NPC1: variants seen among roughly 807,000 people sequenced by gnomAD.
NPC1 encodes Niemann-Pick C1 protein.
A neutral mutation model predicts 140.4 loss-of-function variants in NPC1; 85 were observed. The observed-to-expected ratio is 0.61, with a 90% confidence interval of 0.51 to 0.72. The LOEUF (loss-of-function observed/expected upper bound fraction) is 0.72, where lower values mean the gene tolerates loss of function less well. NPC1 is among the 30% of genes least tolerant of loss of function. The pLI is 0.00. For synonymous variants in NPC1, 656 were observed against 624.8 expected (o/e 1.05, Z -0.74); for missense variants, 1,504 against 1,623.8 (o/e 0.93, Z 1.27).
At chr18:23,517,548 T>C (rs1463582975), downstream of NPC1, among the ~76,000 whole-genome samples, 1 of 152,220 alleles carries the variant, frequency 6.6e-6, no homozygotes, top group Non-Finnish European at 1.5e-5. Flanking sequence ...AAAGAACCCC[T>C]GTATGCCTGT....
intron 4 of NPC1, among the ~76,000 whole-genome samples, chr18:23,563,536 TTCAGCCTC>T (rs1359442867): frequency 6.6e-6 from 1 of 152,130 alleles, no homozygotes; most frequent in Non-Finnish European, 1.5e-5. Context: ...ATCCTCCCAC[TTCAGCCTC>T]TCAAGTAGCT....
Position 23,554,898 on chromosome 18 carries a change from A to C in NPC1, c.1413T>G (p.Pro471=). The part of the protein sequence containing the change: ...TVTLQDICLA[P]LSPYNTNCTI... ...TGCAGTTCGTGTTATACGGTGAAAG[A>C]GGGGCCAAGCAGATGTCTTGAAGTG... The change falls in exon 9 of 25, where the codon CCT becomes CCG. Residue 471 remains proline, a synonymous_variant. Coordinates refer to ENST00000269228, the MANE Select transcript of NPC1 (RefSeq NM_000271.5). 2 of 1,614,158 alleles carry C rather than the reference A, an allele frequency of 1.2e-6. No individual in the cohort carries two copies. The highest frequency in any genetic ancestry group is 2.2e-5 in the South Asian group (2 of 91,080).
At chr18:23,544,568 T>A (rs559718680) in intron 12 of NPC1, 42 bp from the exon 13 acceptor site, 29 of 1,583,860 alleles carry the variant, frequency 1.8e-5, no homozygotes, top group African/African-American at 4.0e-5. Context: ...AGTTACAGGG[T>A]TGTCTGTCCC....
At chr18:23,546,378 G>A (rs1054060404) in intron 11 of NPC1, among the ~76,000 whole-genome samples, 34 of 151,668 alleles carry the variant, frequency 2.2e-4, no homozygotes, top group African/African-American at 6.0e-4. Context: ...AAGTGCTGAC[G>A]AGGATGCGAA....
intron 22 of NPC1, 107 bp downstream of exon 22, chr18:23,535,362 G>C: frequency 1.2e-6 from 1 of 845,742 alleles, no homozygotes; most frequent in Middle Eastern, 2.1e-4. Context: ...GCAAGCGCCA[G>C]ACTTGGTATC....
intron 3 of NPC1, chr18:23,508,154 C>A: frequency 2.1e-6 from 2 of 932,164 alleles, no homozygotes; most frequent in Non-Finnish European, 3.1e-6. Flanking sequence ...GTCAGACTGT[C>A]CCTCATGTTG....
At position 23,535,690 on chromosome 18, in the gene NPC1, CAT is replaced by C. The variant is rs2145351971; in HGVS notation, c.3254_3255del (p.Tyr1085CysfsTer11). The C allele has an allele frequency of 1.2e-6, 2 of 1,612,308 alleles. No homozygotes were observed. The highest frequency in any genetic ancestry group is 1.7e-6 in the Non-Finnish European group (2 of 1,178,374). ...ATGGTCAGGTACTGTTCGTAGAAGA[CAT>C]AAAACACACTGGAGGGGAGAGGGGA... ...AYRVFPYSVF[Y>X]VFYEQYLTII... On this transcript the variant is annotated frameshift_variant, in exon 22 of 25. Coordinates refer to ENST00000269228, the MANE Select transcript of NPC1 (RefSeq NM_000271.5). LOFTEE classifies it high-confidence loss of function.
At chr18:23,514,312 C>T (rs1398921362) in intron 3 of NPC1, among the ~76,000 whole-genome samples, 4 of 152,294 alleles carry the variant, frequency 2.6e-5, no homozygotes, top group Non-Finnish European at 5.9e-5. Context: ...GTCAGGAGTT[C>T]GAGACCAGCC....
chr18:23,566,970 T>TG (rs1459874569), intron 4 of NPC1, among the ~76,000 whole-genome samples: 1 of 152,210 alleles, frequency 6.6e-6, no homozygotes, highest in Non-Finnish European at 1.5e-5. Context: ...GTAATAGGAT[T>TG]TAAGGTTCAT....
rs764305135 is a variant in NPC1, at chr18:23,539,493, C to T, written c.2796-23G>A. On this transcript the variant is annotated intron_variant, in intron 18 of 24. Transcript: ENST00000269228. Reference sequence around the variant, plus strand: ...GTACTAGAGAGGACAGACAGGGTTACTGACCTGCTCCACAGGGAGGAAGTC... The same window carrying T: ...GTACTAGAGAGGACAGACAGGGTTATTGACCTGCTCCACAGGGAGGAAGTC... 16 of 1,508,950 alleles carry T rather than the reference C, an allele frequency of 1.1e-5. No homozygotes were observed. The African/African-American group carries it at 2.1e-4, about 19-fold the overall frequency. 93.5% of individuals were successfully genotyped at this position (1,508,950 alleles called of 1,614,324 possible).
intron 7 of NPC1, 47 bp from the exon 8 acceptor site, chr18:23,556,660 C>T (rs368982805): frequency 4.4e-6 from 7 of 1,609,168 alleles, no homozygotes; most frequent in African/African-American, 1.3e-5. Context: ...AGAGCCAAGC[C>T]GTTCCTGAAA....
At chr18:23,556,661 G>A (rs373455910) in intron 7 of NPC1, 48 bp from the exon 8 acceptor site, 38 of 1,607,512 alleles carry the variant, frequency 2.4e-5, no homozygotes, top group Non-Finnish European at 2.9e-5. Context: ...GAGCCAAGCC[G>A]TTCCTGAAAG....
chr18:23,529,377 T>A, downstream of NPC1: 1 of 1,527,736 alleles, frequency 6.5e-7, no homozygotes, highest in South Asian at 1.3e-5. Flanking sequence ...AGACTTCATG[T>A]GATTAGAGTC....
intron 18 of NPC1, 104 bp downstream of exon 18, chr18:23,539,707 T>C (rs2058684479): frequency 1.5e-6 from 2 of 1,345,396 alleles, no homozygotes; most frequent in South Asian, 2.4e-5. Context: ...AAAACAACTT[T>C]TCCAAGAAAG....
downstream of NPC1, chr18:23,530,742 G>C: frequency 1.3e-6 from 1 of 773,486 alleles, no homozygotes; most frequent in South Asian, 1.9e-5. Context: ...AGCCCACCTA[G>C]CCCTTGGCCC....
chr18:23,584,656 C>T (rs555555419), intron 1 of NPC1, among the ~76,000 whole-genome samples: 2 of 152,230 alleles, frequency 1.3e-5, no homozygotes, highest in Non-Finnish European at 2.9e-5. Context: ...GTCAGGATTT[C>T]GAGACCAGCC....
intron 19 of NPC1, chr18:23,538,909 A>G: frequency 1.9e-6 from 1 of 536,906 alleles, no homozygotes; most frequent in Non-Finnish European, 3.3e-6. Flanking sequence ...TTCTGCCCTG[A>G]AGTAGATCTC....
intron 1 of NPC1, among the ~76,000 whole-genome samples, chr18:23,580,509 C>T (rs2059344308): frequency 6.6e-6 from 1 of 152,198 alleles, no homozygotes; most frequent in South Asian, 2.1e-4. Flanking sequence ...GCAATGACTC[C>T]CTTACTCAGT....
downstream of NPC1, chr18:23,518,987 T>TC (rs1555626735): frequency 6.2e-7 from 1 of 1,613,710 alleles, no homozygotes; most frequent in Non-Finnish European, 8.5e-7. Flanking sequence ...ACGGTAGATT[T>TC]CATGCTTTGT....
Sources: gnomAD v4.1 joint callset for allele counts (sites outside exome capture counted in the v4.1 genomes callset) on GRCh38, gnomAD v4.1.1 for gene constraint, MANE v1.5 for transcripts, NCBI Gene and HGNC (gene_info 2026-07-23, HGNC 2026-07-21) for gene names.